Variants in CCDC14 observed in about 807,000 individuals in gnomAD.
The protein encoded by CCDC14 is coiled-coil domain-containing protein 14.
A neutral mutation model predicts 81.4 loss-of-function variants in CCDC14; 71 were observed. That is an observed-to-expected ratio of 0.87 (90% CI 0.72 to 1.06). The LOEUF (loss-of-function observed/expected upper bound fraction) is 1.06, where lower values mean the gene tolerates loss of function less well. Ranked by LOEUF, CCDC14 falls within the 50% of genes least tolerant of loss-of-function variation. The pLI is 0.00. For synonymous variants in CCDC14, 332 were observed against 364.8 expected (o/e 0.91, Z 1.03); for missense variants, 1,046 against 1,047.3 (o/e 1.00, Z 0.02).
intron 5 of CCDC14, among the ~76,000 whole-genome samples, chr3:123,905,999 C>G (rs555382087): frequency 2.3e-4 from 35 of 152,232 alleles, no homozygotes; most frequent in Non-Finnish European, 4.6e-4. Context: ...AATTTATCTG[C>G]AGAATAGGGA....
chr3:123,944,380 C>T (rs2036518741), intron 9 of CCDC14, among the ~76,000 whole-genome samples: 1 of 152,046 alleles, frequency 6.6e-6, no homozygotes, highest in Non-Finnish European at 1.5e-5. Context: ...CCCCCATTAC[C>T]ACATCCACAT....
intron 9 of CCDC14, among the ~76,000 whole-genome samples, chr3:123,935,601 T>C (rs1038469875): frequency 3.3e-5 from 5 of 152,250 alleles, no homozygotes; most frequent in Non-Finnish European, 7.3e-5. Flanking sequence ...CCACTTGTAC[T>C]GACGTGAAAA....
intron 5 of CCDC14, chr3:123,952,516 C>T: frequency 2.3e-6 from 1 of 442,322 alleles, no homozygotes; most frequent in Non-Finnish European, 5.0e-6. Flanking sequence ...ATGCCAGAAG[C>T]ACTCTCAAAT....
chr3:123,905,244 T>TG, intron 5 of CCDC14, among the ~76,000 whole-genome samples: 1 of 152,108 alleles, frequency 6.6e-6, no homozygotes. Flanking sequence ...TGGTTACCAG[T>TG]GGGTATATAG....
rs746098707 is a variant in CCDC14 at position 123,947,028 on chromosome 3, T to C, written c.976A>G (p.Ser326Gly). 3 of 1,614,010 alleles carry C rather than the reference T, an allele frequency of 1.9e-6. No individual in the cohort carries two copies. In the Admixed American group the frequency reaches 5.0e-5, roughly 27 times the overall value. Residue 326 changes from serine (S) to glycine (G), a missense_variant, in exon 8 of 13, where the codon AGC becomes GGC. By Grantham distance (56) the Ser-to-Gly change is moderately conservative. Coordinates refer to ENST00000409697, the MANE Select transcript of CCDC14 (RefSeq NM_001366335.1). The part of the protein sequence containing the change: ...ETHLDSQTHR[S>G]PTQSQPAFLA... ...AAAGCTGGTTGTGACTGAGTAGGGC[T>C]TCGGTGTGTCTGACTGTCCAGATGC...
intron 5 of CCDC14, chr3:123,952,734 C>A: frequency 2.6e-6 from 1 of 379,144 alleles, no homozygotes; most frequent in South Asian, 2.1e-5. Context: ...TAAAATAATA[C>A]ATGGATACTA....
chr3:123,946,326 A>T (rs997957579), intron 8 of CCDC14, among the ~76,000 whole-genome samples: 1 of 152,134 alleles, frequency 6.6e-6, no homozygotes, highest in Non-Finnish European at 1.5e-5. Flanking sequence ...AAGTCCTAAA[A>T]ATACACTGAA....
chr3:123,929,265 A>G (rs1402875039), intron 12 of CCDC14, among the ~76,000 whole-genome samples: 5 of 152,072 alleles, frequency 3.3e-5, no homozygotes, highest in African/African-American at 7.2e-5. Flanking sequence ...TATACCATAT[A>G]TAACTTTTAC....
At chr3:123,930,484 G>T (rs2035630189) in intron 12 of CCDC14, among the ~76,000 whole-genome samples, 1 of 152,176 alleles carries the variant, frequency 6.6e-6, no homozygotes, top group African/African-American at 2.4e-5. Context: ...TATCTCAAAA[G>T]AAAACTGAAT....
downstream of CCDC14, chr3:123,913,381 T>C: frequency 1.0e-6 from 1 of 984,236 alleles, no homozygotes; most frequent in Non-Finnish European, 1.2e-6. Flanking sequence ...CTTTTGCATA[T>C]GAATAACAGT....
At position 123,947,287 on chromosome 3, in the gene CCDC14, T is replaced by G; in HGVS notation, c.717A>C (p.Ala239=). ...EVQTDGNSQF[A]SQGKTVSATC... ...TTGCAGAAACTGTTTTACCTTGTGA[T>G]GCAAACTGACTGTTGCCATCAGTTT... Residue 239 remains alanine (A), a synonymous_variant, in exon 8 of 13, where the codon GCA becomes GCC. Coordinates refer to ENST00000409697, the MANE Select transcript of CCDC14 (RefSeq NM_001366335.1). The G allele has an allele frequency of 6.2e-7, 1 of 1,612,170 alleles. No homozygotes were observed. Among genetic ancestry groups the G allele is most frequent in the South Asian group, 1.1e-5 (1 of 90,976 alleles).
intron 12 of CCDC14, among the ~76,000 whole-genome samples, chr3:123,927,589 G>A (rs1345134939): frequency 6.6e-6 from 1 of 152,030 alleles, no homozygotes; most frequent in Non-Finnish European, 1.5e-5. Flanking sequence ...TCTGACAGGT[G>A]AGCTAGTAGT....
chr3:123,957,665 A>C, intron 1 of CCDC14: 1 of 152,072 alleles, frequency 6.6e-6, no homozygotes, highest in East Asian at 1.9e-4. Context: ...GTATCTTGGG[A>C]GTTATGCCAG....
the CCDC14 span, among the ~76,000 whole-genome samples, chr3:123,891,595 A>C: frequency 2.6e-5 from 4 of 152,208 alleles, no homozygotes; most frequent in Non-Finnish European, 5.9e-5. Context: ...CCAGTTCCCA[A>C]CAAGTTCCTC....
At chr3:123,939,915 A>G (rs2036261342) in intron 9 of CCDC14, among the ~76,000 whole-genome samples, 1 of 151,950 alleles carries the variant, frequency 6.6e-6, no homozygotes. Flanking sequence ...GGGATGAAAA[A>G]GTTTTGGCAC....
intron 1 of CCDC14, chr3:123,957,982 T>C (rs1264365115): frequency 1.3e-5 from 2 of 152,092 alleles, no homozygotes; most frequent in South Asian, 4.1e-4. Context: ...CATTCTATTA[T>C]ATGCTTGAAT....
At chr3:123,936,843 A>C (rs2036084088) in intron 9 of CCDC14, among the ~76,000 whole-genome samples, 7 of 152,138 alleles carry the variant, frequency 4.6e-5, no homozygotes, top group Admixed American at 3.9e-4. Flanking sequence ...CAAAGCTAAA[A>C]ATTTTTCAAA....
At chr3:123,957,647 T>C (rs894280424) in intron 1 of CCDC14, 8 of 152,140 alleles carry the variant, frequency 5.3e-5, no homozygotes, top group Admixed American at 1.3e-4. Context: ...TGCTTTTACA[T>C]GCATCCAGTA....
intron 5 of CCDC14, among the ~76,000 whole-genome samples, chr3:123,951,820 C>T (rs2037035678): frequency 6.6e-6 from 1 of 152,184 alleles, no homozygotes; most frequent in South Asian, 2.1e-4. Flanking sequence ...CCTATTTCTT[C>T]AAAATCAAAG....
Sources: allele counts gnomAD v4.1 joint callset (sites outside exome capture counted in the v4.1 genomes callset), GRCh38; gene constraint gnomAD v4.1.1; transcripts MANE v1.5; gene names NCBI Gene and HGNC (gene_info 2026-07-23, HGNC 2026-07-21).